FBRSL1: variants seen among roughly 807,000 people sequenced by gnomAD.
FBRSL1 encodes fibrosin-1-like protein.
A neutral mutation model predicts 89.6 loss-of-function variants in FBRSL1; 51 were observed. That is an observed-to-expected ratio of 0.57 (90% CI 0.45 to 0.72). The LOEUF is 0.72. FBRSL1 is among the 30% of genes least tolerant of loss of function. The pLI, the probability that FBRSL1 is intolerant of heterozygous loss-of-function variation, is 0.00. For missense variants in FBRSL1, 1,618 were observed against 1,451.8 expected (o/e 1.11, Z -1.86); for synonymous variants, 779 against 681.1 (o/e 1.14, Z -2.24).
At chr12:132,521,954 G>C (rs552884683) in intron 2 of FBRSL1, among the ~76,000 whole-genome samples, 7 of 152,292 alleles carry the variant, frequency 4.6e-5, no homozygotes, top group Non-Finnish European at 7.4e-5. Flanking sequence ...CGATGAGTCC[G>C]TGTGCATGGG....
At chr12:132,548,598 C>CA (rs2037889460) in intron 5 of FBRSL1, among the ~76,000 whole-genome samples, 1 of 152,136 alleles carries the variant, frequency 6.6e-6, no homozygotes, top group Non-Finnish European at 1.5e-5. Context: ...GAGCAGCCTC[C>CA]GGGGGGGCTC....
At position 132,525,671 on chromosome 12, in the gene FBRSL1, G is replaced by A. The variant is rs1287509390; in HGVS notation, c.490-63G>A. ...GAGCAGGCATGTAGCCCTAGCCAGG[G>A]GGCCCCGATGCGGACGCGGTGAGGT... On this transcript the variant is annotated intron_variant, in intron 2 of 18. Coordinates refer to ENST00000680143, the MANE Select transcript of FBRSL1 (RefSeq NM_001367871.1). 3.6e-6 allele frequency: 5 copies of A among 1,397,798 alleles called. No homozygotes were observed. The South Asian group carries it at 3.7e-5, about 10-fold the overall frequency. 86.6% of individuals were successfully genotyped at this position (1,397,798 alleles called of 1,614,324 possible).
At chr12:132,531,402 C>T (rs767057451) in intron 4 of FBRSL1, among the ~76,000 whole-genome samples, 54 of 151,818 alleles carry the variant, frequency 3.6e-4, no homozygotes, top group African/African-American at 1.1e-3. Flanking sequence ...TGTGTGTGTG[C>T]GTGCATGTGT....
In FBRSL1 at chr12:132,583,551, C is replaced by G; in HGVS notation, c.2782C>G (p.Leu928Val). 1 of 1,042,164 alleles carries G rather than the reference C, an allele frequency of 9.6e-7. No individual in the cohort carries two copies. The highest frequency in any genetic ancestry group is 1.2e-6 in the Non-Finnish European group (1 of 865,626). The allele number at this position is 1,042,164 out of a possible 1,614,324, so 64.6% of individuals were successfully genotyped here. ...DGALLPSLGA[L>V]HFPRLSPAAL... is the part of the protein sequence containing the mutation. ...CGCGCTGCTGCCCTCGCTGGGAGCC[C>G]TGCACTTCCCGCGCCTCTCGCCCGC... The change falls in exon 19 of 19, where the codon CTG (leucine) becomes GTG (valine). Residue 928 changes from leucine to valine, a missense_variant. Coordinates refer to ENST00000680143, the MANE Select transcript of FBRSL1 (RefSeq NM_001367871.1).
At chr12:132,571,553 CG>C in intron 9 of FBRSL1, 1 of 1,338,484 alleles carries the variant, frequency 7.5e-7, no homozygotes, top group Non-Finnish European at 9.6e-7. Flanking sequence ...TGGCAGGGGG[CG>C]GGGGCGGGCG....
intron 6 of FBRSL1, among the ~76,000 whole-genome samples, chr12:132,568,719 G>A (rs887272775): frequency 3.9e-5 from 6 of 152,170 alleles, no homozygotes; most frequent in African/African-American, 9.7e-5. Flanking sequence ...GAGAGGTCCC[G>A]TGGGGCTGAC....
At chr12:132,526,343 G>A (rs2035789798) in intron 3 of FBRSL1, among the ~76,000 whole-genome samples, 1 of 152,232 alleles carries the variant, frequency 6.6e-6, no homozygotes, top group Non-Finnish European at 1.5e-5. Flanking sequence ...GTTGCCACAA[G>A]TTAGGAAAAT....
chr12:132,495,783 A>C (rs1489707433), intron 1 of FBRSL1, among the ~76,000 whole-genome samples: 2 of 152,206 alleles, frequency 1.3e-5, no homozygotes, highest in African/African-American at 4.8e-5. Flanking sequence ...CCCTCGGTCC[A>C]CGTGGGTGCC....
intron 5 of FBRSL1, among the ~76,000 whole-genome samples, chr12:132,557,612 C>T (rs895512836): frequency 5.3e-5 from 8 of 152,204 alleles, no homozygotes; most frequent in African/African-American, 1.9e-4. Context: ...GGTTGGAAGC[C>T]TCGTTTGTGG....
At chr12:132,558,846 C>T (rs1323923255) in intron 5 of FBRSL1, among the ~76,000 whole-genome samples, 1 of 152,244 alleles carries the variant, frequency 6.6e-6, no homozygotes, top group Non-Finnish European at 1.5e-5. Flanking sequence ...AAACTGGAGC[C>T]CAAGCCCTCT....
intron 5 of FBRSL1, among the ~76,000 whole-genome samples, chr12:132,559,084 G>A (rs1240324522): frequency 6.6e-6 from 1 of 152,256 alleles, no homozygotes; most frequent in Non-Finnish European, 1.5e-5. Flanking sequence ...CACATAAGCA[G>A]CCTTTGCAGG....
intron 15 of FBRSL1, among the ~76,000 whole-genome samples, chr12:132,578,102 GTTGCTGAACACCTGTT>G (rs2040492828): frequency 6.6e-6 from 1 of 152,234 alleles, no homozygotes; most frequent in African/African-American, 2.4e-5. Context: ...AGCATAAACA[GTTGCTGAACACCTGTT>G]TTGTGTGTTA....
At chr12:132,536,183 TGA>T (rs1231196013) in intron 4 of FBRSL1, among the ~76,000 whole-genome samples, 19 of 151,088 alleles carry the variant, frequency 1.3e-4, no homozygotes, top group Admixed American at 1.2e-3. Flanking sequence ...CGATGGTGTG[TGA>T]GTGCACATGT....
intron 4 of FBRSL1, among the ~76,000 whole-genome samples, chr12:132,535,016 G>T (rs964553165): frequency 2.6e-5 from 4 of 152,262 alleles, no homozygotes; most frequent in African/African-American, 9.6e-5. Flanking sequence ...GGTGGCACAG[G>T]CAGTGAAGGT....
intron 15 of FBRSL1, chr12:132,580,859 C>G (rs112978304): frequency 4.1e-6 from 4 of 985,462 alleles, no homozygotes; most frequent in Non-Finnish European, 3.6e-6. Flanking sequence ...TCCCCTGCAG[C>G]AGCCCCTCCC....
At chr12:132,539,108 C>T (rs2037000758) in intron 4 of FBRSL1, among the ~76,000 whole-genome samples, 2 of 152,064 alleles carry the variant, frequency 1.3e-5, no homozygotes, top group Admixed American at 1.3e-4. Flanking sequence ...CAAGTGAGCC[C>T]AGTGTGAGCC....
In FBRSL1 at chr12:132,558,691, C is replaced by G. The variant is rs919174163; in HGVS notation, c.646-8790C>G. 6.6e-4 allele frequency among the ~76,000 whole-genome samples: 100 copies of G among 152,250 alleles called. 1 individual carries two copies. Among genetic ancestry groups the G allele is most frequent in the Admixed American group, 6.5e-3 (100 of 15,286 alleles). Reference sequence around the variant, plus strand: ...TTGGGAGCAGAAAGTGCTGGTCCAGCTTGCAGAGGGCTCCATCGAACCCGT... The same window carrying G: ...TTGGGAGCAGAAAGTGCTGGTCCAGGTTGCAGAGGGCTCCATCGAACCCGT... On this transcript the variant is annotated intron_variant, in intron 5 of 18. Coordinates refer to ENST00000680143, the MANE Select transcript of FBRSL1 (RefSeq NM_001367871.1).
rs370817248 is a variant in FBRSL1, at chr12:132,573,984, G to A, written c.1531-106G>A. 132 of 724,842 alleles carry A rather than the reference G, an allele frequency of 1.8e-4. 1 individual carries two copies. In the South Asian group the frequency reaches 4.4e-3, roughly 24 times the overall value. 44.9% of individuals were successfully genotyped at this position (724,842 alleles called of 1,614,324 possible). On this transcript the variant is annotated intron_variant, in intron 11 of 18. Coordinates refer to ENST00000680143, the MANE Select transcript of FBRSL1 (RefSeq NM_001367871.1). Reference sequence around the variant, plus strand: ...TGGGAGACAGCGTGCGGGGCCCCACGGCAAGGCAAAGCAGGGCACAGGCCC... The same window carrying A: ...TGGGAGACAGCGTGCGGGGCCCCACAGCAAGGCAAAGCAGGGCACAGGCCC...
intron 2 of FBRSL1, among the ~76,000 whole-genome samples, chr12:132,520,137 C>T (rs1593321359): frequency 6.6e-6 from 1 of 150,694 alleles, no homozygotes; most frequent in South Asian, 2.1e-4. Context: ...TCCTTGCACC[C>T]CTCCAGCACA....
Sources: gnomAD v4.1 joint callset for allele counts (sites outside exome capture counted in the v4.1 genomes callset) on GRCh38, gnomAD v4.1.1 for gene constraint, MANE v1.5 for transcripts, NCBI Gene and HGNC (gene_info 2026-07-23, HGNC 2026-07-21) for gene names.